The following FGF14 variants were observed in gnomAD, a reference collection of about 807,000 sequenced individuals.
The protein encoded by FGF14 is fibroblast growth factor 14, also known as fibroblast growth factor homologous factor 4.
FGF14 carries 5 observed loss-of-function variants against 25.5 expected under a neutral mutation model. The observed-to-expected ratio is 0.20, with a 90% CI of 0.10 to 0.41. The LOEUF is 0.41. Among genes scored for constraint, FGF14 ranks in the 10% least tolerant of loss-of-function variants. FGF14 has a pLI of 1.00. For missense variants in FGF14, 222 were observed against 320.1 expected (o/e 0.69, Z 2.34); for synonymous variants, 138 against 118.3 (o/e 1.17, Z -1.08).
In FGF14 at chr13:101,776,076, T is replaced by C. The variant is rs142794509; in HGVS notation, c.409-49266A>G. Among the ~76,000 whole-genome samples, 670 of 152,152 alleles carry C rather than the reference T, an allele frequency of 4.4e-3. 5 individuals carry two copies. Among genetic ancestry groups the C allele is most frequent in the African/African-American group, 0.016 (650 of 41,474 alleles). On this transcript the variant is annotated intron_variant, in intron 3 of 4. Transcript: ENST00000376143. The stretch of plus-strand genomic sequence containing the variant: ...TCATTTTCTTATTCACGTGGTGCGC[T>C]TACGAGTTCCATTAATATAGATGAA...
intron 1 of FGF14, among the ~76,000 whole-genome samples, chr13:101,878,959 T>C (rs75735050): frequency 8.6e-6 from 1 of 116,446 alleles, no homozygotes; most frequent in East Asian, 2.8e-4. Context: ...TACAAGTATT[T>C]TTGTTTTAAA....
chr13:102,119,094 T>C (rs897638225), intron 1 of FGF14, among the ~76,000 whole-genome samples: 1 of 152,188 alleles, frequency 6.6e-6, no homozygotes, highest in African/African-American at 2.4e-5. Flanking sequence ...TGAGTATCAA[T>C]AATAGTGACC....
At chr13:102,090,422 G>T (rs1050057997) in intron 1 of FGF14, among the ~76,000 whole-genome samples, 2 of 152,084 alleles carry the variant, frequency 1.3e-5, no homozygotes, top group African/African-American at 4.8e-5. Context: ...GTAAGTTCCA[G>T]GTCTCTGCAG....
chr13:102,305,721 CAG>C (rs943688404), intron 1 of FGF14, among the ~76,000 whole-genome samples: 3 of 152,116 alleles, frequency 2.0e-5, no homozygotes, highest in African/African-American at 7.2e-5. Flanking sequence ...AGTGATATTA[CAG>C]AGAGTGAACT....
rs1284451924 is a variant in FGF14, at chr13:101,929,756, C to T, written c.209-54460G>A. On this transcript the variant is annotated intron_variant, in intron 1 of 4. Coordinates refer to the FGF14 transcript ENST00000376131. Reference sequence around the variant, plus strand: ...ATATATACATATATGCACATATATACATGCACACATTCACATAAAATAGAC... The same window carrying T: ...ATATATACATATATGCACATATATATATGCACACATTCACATAAAATAGAC... Among the ~76,000 whole-genome samples, 4 of 152,270 alleles carry T rather than the reference C, an allele frequency of 2.6e-5. No individual in the cohort carries two copies. The East Asian group carries it at 5.8e-4, about 22-fold the overall frequency.
At chr13:102,155,405 A>G in intron 1 of FGF14, among the ~76,000 whole-genome samples, 1 of 152,232 alleles carries the variant, frequency 6.6e-6, no homozygotes, top group Non-Finnish European at 1.5e-5. Flanking sequence ...ACCTGCTCTG[A>G]ATGACTACTG....
chr13:102,131,029 A>G (rs2046173563), intron 1 of FGF14, among the ~76,000 whole-genome samples: 1 of 152,226 alleles, frequency 6.6e-6, no homozygotes, highest in South Asian at 2.1e-4. Flanking sequence ...TGCATTGTGG[A>G]CAGTCAACAC....
intron 1 of FGF14, among the ~76,000 whole-genome samples, chr13:102,005,331 C>G (rs2039724165): frequency 6.6e-6 from 1 of 152,182 alleles, no homozygotes; most frequent in Non-Finnish European, 1.5e-5. Context: ...ACAGCATTCT[C>G]TATGCAAATA....
chr13:102,290,630 C>T (rs915125222), intron 1 of FGF14, among the ~76,000 whole-genome samples: 3 of 152,166 alleles, frequency 2.0e-5, no homozygotes, highest in Non-Finnish European at 4.4e-5. Flanking sequence ...AATTCTAGTG[C>T]TGTGCCTGAG....
chr13:102,359,280 C>A (rs567625340), intron 1 of FGF14, among the ~76,000 whole-genome samples: 2 of 152,076 alleles, frequency 1.3e-5, no homozygotes, highest in African/African-American at 4.8e-5. Flanking sequence ...CATTTACCTA[C>A]GCAATAAAGC....
At chr13:102,276,584 G>A (rs117752344) in intron 1 of FGF14, among the ~76,000 whole-genome samples, 2 of 152,008 alleles carry the variant, frequency 1.3e-5, no homozygotes, top group Non-Finnish European at 2.9e-5. Context: ...CTTTTAAGAA[G>A]TTTGAAAGCC....
chr13:102,159,887 TCA>T (rs2047541935), intron 1 of FGF14, among the ~76,000 whole-genome samples: 1 of 152,226 alleles, frequency 6.6e-6, no homozygotes, highest in African/African-American at 2.4e-5. Context: ...GTATCTCATC[TCA>T]GTGAGGTATG....
chr13:102,267,284 T>A (rs965369061), intron 1 of FGF14, among the ~76,000 whole-genome samples: 1 of 152,182 alleles, frequency 6.6e-6, no homozygotes, highest in African/African-American at 2.4e-5. Flanking sequence ...GACTTCTCCA[T>A]CTTTGTGCCT....
chr13:102,340,752 G>A (rs956502949), intron 1 of FGF14, among the ~76,000 whole-genome samples: 1 of 152,154 alleles, frequency 6.6e-6, no homozygotes, highest in Non-Finnish European at 1.5e-5. Context: ...AGTAGCTAAA[G>A]GCAAGGTAAT....
intron 1 of FGF14, among the ~76,000 whole-genome samples, chr13:102,030,188 G>T: frequency 6.6e-6 from 1 of 152,126 alleles, no homozygotes; most frequent in East Asian, 1.9e-4. Context: ...TTTGTCTATG[G>T]ATAATTTGTT....
chr13:102,288,559 C>T (rs2054221193), intron 1 of FGF14, among the ~76,000 whole-genome samples: 1 of 151,696 alleles, frequency 6.6e-6, no homozygotes. Flanking sequence ...GATGTCTTTT[C>T]TCATTTTTTT....
chr13:101,910,837 C>CGTGTGTGTGTGTGTGTGTGT (rs59758881), intron 1 of FGF14, among the ~76,000 whole-genome samples: 6 of 129,324 alleles, frequency 4.6e-5, no homozygotes, highest in Non-Finnish European at 1.0e-4. Context: ...GATTTGGATT[C>CGTGTGTGTGTGTGTGTGTGT]GTGTGTGTGT....
At chr13:102,289,455 G>A (rs59644949) in intron 1 of FGF14, among the ~76,000 whole-genome samples, 5,654 of 152,172 alleles carry the variant, frequency 0.037, 354 homozygotes, top group African/African-American at 0.13. Flanking sequence ...ACTCAAGTTG[G>A]ACATTATAAC....
chr13:101,781,973 C>T (rs890330584), intron 3 of FGF14, among the ~76,000 whole-genome samples: 2 of 152,158 alleles, frequency 1.3e-5, no homozygotes, highest in African/African-American at 4.8e-5. Context: ...TAAAGGTATC[C>T]CTTAAAATTC....
Sources: gnomAD v4.1 joint callset for allele counts (sites outside exome capture counted in the v4.1 genomes callset) on GRCh38, gnomAD v4.1.1 for gene constraint, MANE v1.5 for transcripts, NCBI Gene and HGNC (gene_info 2026-07-23, HGNC 2026-07-21) for gene names.